Variants in MRPL1 observed in about 807,000 individuals in gnomAD.
MRPL1 encodes the protein mitochondrial ribosomal protein L1, also known as large ribosomal subunit protein uL1m.
MRPL1 carries 28 observed loss-of-function variants against 38.0 expected under a neutral mutation model. The observed-to-expected ratio is 0.74, with a 90% confidence interval of 0.55 to 1.01. The LOEUF (loss-of-function observed/expected upper bound fraction) is 1.01, where lower values mean the gene tolerates loss of function less well. Among genes scored for constraint, MRPL1 ranks in the 50% least tolerant of loss-of-function variants. MRPL1 has a pLI of 0.00. For missense variants in MRPL1, 358 were observed against 389.8 expected (o/e 0.92, Z 0.69); for synonymous variants, 123 against 126.7 (o/e 0.97, Z 0.20).
rs1359068006 is a variant in MRPL1 at position 77,873,236 on chromosome 4, A to G, written c.143+1381A>G. Among the ~76,000 whole-genome samples the G allele has an allele frequency of 2.6e-5, 4 of 152,220 alleles. No individual in the cohort carries two copies. In the East Asian group the frequency reaches 5.8e-4, roughly 22 times the overall value. On this transcript the variant is annotated intron_variant, in intron 2 of 8. Transcript: ENST00000315567. ...TAAATTTCACAACACTCTGTGAAGCATAGATACTATTGTAAGTGTTTTACA... is the reference window on the plus strand; with the variant it reads ...TAAATTTCACAACACTCTGTGAAGCGTAGATACTATTGTAAGTGTTTTACA...
chr4:77,892,141 C>T (rs866079963), intron 5 of MRPL1, among the ~76,000 whole-genome samples: 1,176 of 107,332 alleles, frequency 0.011, 11 homozygotes, highest in African/African-American at 0.034. Context: ...TTTTTTTTTT[C>T]TCTTTTTGAG....
chr4:77,867,849 C>T (rs1398703598), intron 1 of MRPL1, among the ~76,000 whole-genome samples: 1 of 150,182 alleles, frequency 6.7e-6, no homozygotes, highest in Non-Finnish European at 1.5e-5. Context: ...CTCTGCCTTC[C>T]GGGTTCACGC....
chr4:77,919,241 T>C (rs1736506822), intron 7 of MRPL1, among the ~76,000 whole-genome samples: 1 of 150,144 alleles, frequency 6.7e-6, no homozygotes, highest in South Asian at 2.1e-4. Flanking sequence ...ACTTGCTTTG[T>C]TTTTTTTTCA....
chr4:77,931,907 C>G (rs941752060), intron 7 of MRPL1, among the ~76,000 whole-genome samples: 1 of 152,204 alleles, frequency 6.6e-6, no homozygotes, highest in East Asian at 1.9e-4. Flanking sequence ...TAACTCTCAT[C>G]TGTTCACGCA....
chr4:77,877,785 A>G (rs766961802), intron 2 of MRPL1, among the ~76,000 whole-genome samples: 1 of 149,930 alleles, frequency 6.7e-6, no homozygotes, highest in Non-Finnish European at 1.5e-5. Context: ...GCTCTGGACT[A>G]TTTCCTGCCC....
chr4:77,878,469 C>G (rs989721969), intron 2 of MRPL1, among the ~76,000 whole-genome samples: 3 of 152,116 alleles, frequency 2.0e-5, no homozygotes, highest in South Asian at 2.1e-4. Context: ...AATTTCCCCC[C>G]ACTAATGTCC....
intron 6 of MRPL1, among the ~76,000 whole-genome samples, chr4:77,907,506 C>G (rs1349269835): frequency 1.4e-5 from 2 of 141,900 alleles, no homozygotes; most frequent in African/African-American, 5.1e-5. Flanking sequence ...CTCCGTCTCT[C>G]TCTCTCCCCC....
At chr4:77,885,058 T>A (rs1735642081) in intron 3 of MRPL1, among the ~76,000 whole-genome samples, 198 bp from the exon 4 acceptor site, 3 of 152,172 alleles carry the variant, frequency 2.0e-5, no homozygotes, top group South Asian at 2.1e-4. Flanking sequence ...GAAAAAAAAA[T>A]AATCTGTTGT....
At chr4:77,923,657 C>T (rs563319499) in intron 7 of MRPL1, among the ~76,000 whole-genome samples, 4 of 151,860 alleles carry the variant, frequency 2.6e-5, no homozygotes, top group South Asian at 4.2e-4. Flanking sequence ...TCATGAGGGC[C>T]GGGTGTGGTG....
intron 7 of MRPL1, among the ~76,000 whole-genome samples, chr4:77,922,911 A>C (rs549784440): frequency 2.6e-5 from 4 of 152,194 alleles, no homozygotes; most frequent in Non-Finnish European, 5.9e-5. Flanking sequence ...TCAAGTCTGA[A>C]TCAGAGAAAA....
intron 1 of MRPL1, among the ~76,000 whole-genome samples, chr4:77,870,030 A>C (rs780288547): frequency 6.6e-6 from 1 of 152,076 alleles, no homozygotes; most frequent in Non-Finnish European, 1.5e-5. Flanking sequence ...CTTCCTGAGT[A>C]GCTGGGACTA....
chr4:77,942,928 C>T (rs150145674), intron 7 of MRPL1, among the ~76,000 whole-genome samples: 18 of 152,180 alleles, frequency 1.2e-4, no homozygotes, highest in African/African-American at 4.3e-4. Flanking sequence ...TATTTGTTGC[C>T]TGATACCCTT....
intron 2 of MRPL1, among the ~76,000 whole-genome samples, chr4:77,877,054 C>G (rs933004355): frequency 1.3e-5 from 2 of 152,166 alleles, no homozygotes; most frequent in African/African-American, 4.8e-5. Context: ...GCGCGCACCA[C>G]CACGCCCAGC....
chr4:77,938,508 G>C (rs1035843646), intron 7 of MRPL1, among the ~76,000 whole-genome samples: 1 of 152,152 alleles, frequency 6.6e-6, no homozygotes, highest in African/African-American at 2.4e-5. Flanking sequence ...TGGAAGACCA[G>C]ACTTACAAAT....
chr4:77,939,571 T>C (rs1039108725), intron 7 of MRPL1, among the ~76,000 whole-genome samples: 1 of 152,210 alleles, frequency 6.6e-6, no homozygotes, highest in Non-Finnish European at 1.5e-5. Context: ...ATCTTTGTTT[T>C]TGTTGCATTT....
intron 7 of MRPL1, among the ~76,000 whole-genome samples, chr4:77,942,197 T>C (rs997072467): frequency 5.3e-5 from 8 of 152,192 alleles, no homozygotes; most frequent in African/African-American, 1.9e-4. Context: ...GGAGTTGATT[T>C]CTACTTTTAT....
At position 77,902,353 on chromosome 4, in the gene MRPL1, C is replaced by G. The variant is rs566793720; in HGVS notation, c.671-6913C>G. On this transcript the variant is annotated intron_variant, in intron 6 of 8. Transcript: ENST00000315567. ...TGTGCCTGTGCATAGCCACTGTACT[C>G]TAGCCAGGGCAACATAGTGAGACCG... 9.9e-4 allele frequency among the ~76,000 whole-genome samples: 142 copies of G among 142,906 alleles called. 3 individuals carry two copies. The highest frequency in any genetic ancestry group is 2.9e-3 in the South Asian group (13 of 4,530). 93.8% of individuals were successfully genotyped at this position (142,906 alleles called of 152,430 possible).
At chr4:77,894,072 T>C in intron 5 of MRPL1, 67 bp from the exon 6 acceptor site, 1 of 874,628 alleles carries the variant, frequency 1.1e-6, no homozygotes, top group Non-Finnish European at 1.9e-6. Flanking sequence ...ATGACTACAT[T>C]GTACTTTTTC....
chr4:77,948,770 TC>T (rs1216846313), intron 7 of MRPL1, among the ~76,000 whole-genome samples: 2 of 141,930 alleles, frequency 1.4e-5, no homozygotes, highest in African/African-American at 5.3e-5. Flanking sequence ...TTCTTCTTCT[TC>T]TTTTTTTTTT....
Sources: allele counts gnomAD v4.1 joint callset (sites outside exome capture counted in the v4.1 genomes callset), GRCh38; gene constraint gnomAD v4.1.1; transcripts MANE v1.5; gene names NCBI Gene and HGNC (gene_info 2026-07-23, HGNC 2026-07-21).